The following POPDC1 variants were observed in gnomAD, a reference collection of about 807,000 sequenced individuals.
POPDC1 encodes popeye domain-containing protein 1.
the POPDC1 span, among the ~76,000 whole-genome samples, chr6:105,117,288 G>T: frequency 3.4e-4 from 52 of 152,152 alleles, 1 homozygote; most frequent in African/African-American, 1.1e-3. Flanking sequence ...GAGGCAAGTT[G>T]TGAAAGACCT....
the POPDC1 span, among the ~76,000 whole-genome samples, chr6:105,116,171 G>A: frequency 2.6e-5 from 4 of 151,204 alleles, 1 homozygote; most frequent in Non-Finnish European, 5.9e-5. Context: ...CAGAAACGAC[G>A]TTTTTAAAAA....
At chr6:105,126,482 A>AG in the POPDC1 span, among the ~76,000 whole-genome samples, 1 of 151,968 alleles carries the variant, frequency 6.6e-6, no homozygotes, top group Non-Finnish European at 1.5e-5. Flanking sequence ...TCAGAGCATA[A>AG]GGGGAAGATC....
chr6:105,107,526 C>T, the POPDC1 span, among the ~76,000 whole-genome samples: 6 of 152,186 alleles, frequency 3.9e-5, no homozygotes, highest in Admixed American at 2.0e-4. Context: ...AAGTGGAGTA[C>T]CACGATGTGA....
chr6:105,124,385 C>CAAAAAAAAA, the POPDC1 span, among the ~76,000 whole-genome samples: 5 of 81,778 alleles, frequency 6.1e-5, no homozygotes, highest in Non-Finnish European at 1.2e-4. Flanking sequence ...CCGTCTCAAA[C>CAAAAAAAAA]AAAAAAAAAA....
At chr6:105,133,570 T>A in the POPDC1 span, 2 of 1,572,166 alleles carry the variant, frequency 1.3e-6, no homozygotes, top group South Asian at 1.2e-5. Context: ...GGACTCTGTA[T>A]AATTCATTTT....
At chr6:105,132,998 G>C in the POPDC1 span, among the ~76,000 whole-genome samples, 1 of 152,140 alleles carries the variant, frequency 6.6e-6, no homozygotes, top group African/African-American at 2.4e-5. Context: ...GGAAACTGAG[G>C]CAGTAGAAAG....
the POPDC1 span, among the ~76,000 whole-genome samples, chr6:105,126,162 G>C: frequency 6.6e-6 from 1 of 151,552 alleles, no homozygotes; most frequent in African/African-American, 2.4e-5. Context: ...GGAGGTGGAG[G>C]TTGCAGTGAG....
At chr6:105,116,782 CAAGA>C in the POPDC1 span, 27 of 1,612,518 alleles carry the variant, frequency 1.7e-5, no homozygotes, top group Non-Finnish European at 2.1e-5. Flanking sequence ...AGATTTCATA[CAAGA>C]AAGGTTCTGA....
chr6:105,132,510 G>A, the POPDC1 span, among the ~76,000 whole-genome samples: 2 of 151,968 alleles, frequency 1.3e-5, no homozygotes, highest in Non-Finnish European at 2.9e-5. Context: ...CATCTGATAC[G>A]CCATACTGGG....
At chr6:105,117,838 G>T in the POPDC1 span, among the ~76,000 whole-genome samples, 1 of 152,150 alleles carries the variant, frequency 6.6e-6, no homozygotes, top group Non-Finnish European at 1.5e-5. Flanking sequence ...TTGTATGAAG[G>T]ACTTAAGCAA....
chr6:105,112,267 G>C, the POPDC1 span, among the ~76,000 whole-genome samples: 8,928 of 152,274 alleles, frequency 0.059, 439 homozygotes, highest in African/African-American at 0.13. Context: ...GAGAGACAGA[G>C]AGAGATGGAA....
At chr6:105,132,723 G>T in the POPDC1 span, among the ~76,000 whole-genome samples, 1 of 152,192 alleles carries the variant, frequency 6.6e-6, no homozygotes, top group Non-Finnish European at 1.5e-5. Flanking sequence ...TTAATGTTCT[G>T]ATGTGAATCA....
the POPDC1 span, among the ~76,000 whole-genome samples, chr6:105,129,132 G>A: frequency 6.6e-6 from 1 of 152,060 alleles, no homozygotes; most frequent in Non-Finnish European, 1.5e-5. Flanking sequence ...ACTTAAAAAG[G>A]AAAATATTAT....
the POPDC1 span, chr6:105,136,100 T>C: frequency 1.3e-5 from 2 of 152,122 alleles, no homozygotes; most frequent in Admixed American, 1.3e-4. Context: ...ACTAAAAAAA[T>C]GAAAAAGATA....
chr6:105,127,438 T>G, the POPDC1 span, among the ~76,000 whole-genome samples: 1 of 152,210 alleles, frequency 6.6e-6, no homozygotes, highest in South Asian at 2.1e-4. Context: ...CCCGTAACTC[T>G]CAGATCAAGC....
the POPDC1 span, among the ~76,000 whole-genome samples, chr6:105,131,253 C>A: frequency 1.3e-5 from 2 of 152,120 alleles, no homozygotes; most frequent in African/African-American, 2.4e-5. Context: ...TTTAAATATT[C>A]TTTAAGTAAT....
chr6:105,133,076 T>C, the POPDC1 span, among the ~76,000 whole-genome samples: 1 of 152,184 alleles, frequency 6.6e-6, no homozygotes, highest in African/African-American at 2.4e-5. Context: ...ACAATTTGGC[T>C]TTAAAGTTCA....
chr6:105,113,941 G>A, the POPDC1 span, among the ~76,000 whole-genome samples: 412 of 147,210 alleles, frequency 2.8e-3, 5 homozygotes, highest in African/African-American at 9.7e-3. Flanking sequence ...CATCCCCCCC[G>A]CCACACACAC....
the POPDC1 span, among the ~76,000 whole-genome samples, chr6:105,128,137 A>G: frequency 6.6e-6 from 1 of 152,250 alleles, no homozygotes; most frequent in Non-Finnish European, 1.5e-5. Flanking sequence ...AATGGTTGAC[A>G]GGAAAAGTGG....
Sources: gnomAD v4.1 joint callset for allele counts (sites outside exome capture counted in the v4.1 genomes callset) on GRCh38, gnomAD v4.1.1 for gene constraint, MANE v1.5 for transcripts, NCBI Gene and HGNC (gene_info 2026-07-23, HGNC 2026-07-21) for gene names.